Variants in MYO1D observed in about 807,000 individuals in gnomAD.
MYO1D encodes unconventional myosin-Id.
MYO1D carries 83 observed loss-of-function variants against 122.0 expected under a neutral mutation model. The ratio of observed to expected loss-of-function variants is 0.68; its 90% CI spans 0.57 to 0.82. The LOEUF (loss-of-function observed/expected upper bound fraction) is 0.82. Ranked by LOEUF, MYO1D falls within the 40% of genes least tolerant of loss-of-function variation. The probability of loss-of-function intolerance (pLI) is 0.00; values close to 1 mark genes in which losing one functional copy is unlikely to be tolerated. For missense variants in MYO1D, 1,157 were observed against 1,269.5 expected (o/e 0.91, Z 1.35); for synonymous variants, 464 against 446.9 (o/e 1.04, Z -0.48).
intron 20 of MYO1D, among the ~76,000 whole-genome samples, chr17:32,634,084 T>C (rs2088063565): frequency 6.6e-6 from 1 of 152,182 alleles, no homozygotes; most frequent in African/African-American, 2.4e-5. Flanking sequence ...ATTATCTGAA[T>C]TGAATGGTTT....
At chr17:32,844,729 A>C (rs1263172510) in intron 1 of MYO1D, among the ~76,000 whole-genome samples, 3 of 152,038 alleles carry the variant, frequency 2.0e-5, no homozygotes, top group African/African-American at 7.2e-5. Context: ...TATCTCTAAA[A>C]AAACAATGTA....
intron 21 of MYO1D, chr17:32,504,531 G>C (rs1273394339): frequency 6.6e-6 from 1 of 152,288 alleles, no homozygotes; most frequent in African/African-American, 2.4e-5. Context: ...GCTTCCCAGA[G>C]GAGGCGACAC....
chr17:32,572,428 A>G (rs539536291), intron 21 of MYO1D, among the ~76,000 whole-genome samples: 3 of 152,228 alleles, frequency 2.0e-5, no homozygotes, highest in East Asian at 3.9e-4. Flanking sequence ...TTTCGCCCAC[A>G]TAAGTCCTGT....
intron 19 of MYO1D, among the ~76,000 whole-genome samples, chr17:32,651,338 CA>C (rs1384280118): frequency 6.6e-6 from 1 of 152,210 alleles, no homozygotes; most frequent in East Asian, 1.9e-4. Context: ...CTCAGACGAA[CA>C]GTCAAAGTGA....
chr17:32,656,123 T>C (rs1438214977), intron 17 of MYO1D, among the ~76,000 whole-genome samples: 1 of 152,216 alleles, frequency 6.6e-6, no homozygotes, highest in African/African-American at 2.4e-5. Flanking sequence ...TTATATCCTC[T>C]CTTCTGCCAC....
At position 32,772,780 on chromosome 17, in the gene MYO1D, A is replaced by C; in HGVS notation, c.618+9T>G. The C allele has an allele frequency of 6.2e-7, 1 of 1,602,198 alleles. No homozygotes were observed. Among genetic ancestry groups the C allele is most frequent in the Middle Eastern group, 1.7e-4 (1 of 6,038 alleles). On this transcript the variant is annotated intron_variant, in intron 5 of 21. Transcript: ENST00000318217. ...AAATGATCAATTATCTGTATAATGG[A>C]TTACTAACCTGATAGAAAGAATGAA...
At chr17:32,869,262 C>G (rs569323998) in intron 1 of MYO1D, among the ~76,000 whole-genome samples, 1 of 151,990 alleles carries the variant, frequency 6.6e-6, no homozygotes, top group South Asian at 2.1e-4. Flanking sequence ...TGCAGTTGAA[C>G]TGAAAGAAGC....
intron 20 of MYO1D, among the ~76,000 whole-genome samples, chr17:32,620,008 A>G (rs560619521): frequency 7.9e-5 from 12 of 152,292 alleles, no homozygotes; most frequent in South Asian, 6.2e-4. Context: ...GCTTCCACTA[A>G]AAGTGGGCCA....
Position 32,876,785 on chromosome 17 carries a change from T to G in MYO1D, c.88A>C (p.Arg30=). The G allele has an allele frequency of 6.6e-7, 1 of 1,512,366 alleles. No individual in the cohort carries two copies. Among genetic ancestry groups the G allele is most frequent in the Non-Finnish European group, 8.8e-7 (1 of 1,130,274 alleles). 93.7% of individuals were successfully genotyped at this position (1,512,366 alleles called of 1,614,324 possible). Residue 30 remains arginine (R), a synonymous_variant, in exon 1 of 22, where the codon AGG becomes CGG. Transcript: ENST00000318217. The part of the protein sequence containing the change: ...VSMPEFMANL[R]LRFEKGRIYT... ...CGGCCGCTCCGCCCTCACCTGAGCC[T>G]GAGGTTGGCCATGAACTCGGGCATG... is the stretch of plus-strand genomic sequence containing the variant.
chr17:32,772,951 T>C (rs1222996434), intron 4 of MYO1D, 109 bp from the exon 5 acceptor site: 4 of 799,006 alleles, frequency 5.0e-6, no homozygotes, highest in East Asian at 2.4e-5. Flanking sequence ...CCTGCACGTA[T>C]ACATCCAGAT....
intron 1 of MYO1D, among the ~76,000 whole-genome samples, chr17:32,838,644 C>T (rs946091650): frequency 1.3e-5 from 2 of 152,138 alleles, no homozygotes; most frequent in African/African-American, 4.8e-5. Context: ...TGAGTTTGCA[C>T]TTTATCTTGA....
intron 11 of MYO1D, among the ~76,000 whole-genome samples, chr17:32,753,149 T>C (rs2089914797): frequency 6.6e-6 from 1 of 152,140 alleles, no homozygotes; most frequent in Non-Finnish European, 1.5e-5. Flanking sequence ...TGGAGGCCAT[T>C]ATACTAGGTG....
intron 20 of MYO1D, among the ~76,000 whole-genome samples, chr17:32,637,685 A>G (rs1443754224): frequency 1.3e-5 from 2 of 152,132 alleles, no homozygotes; most frequent in African/African-American, 4.8e-5. Context: ...AAATAAAATA[A>G]AATAAAAAAG....
intron 21 of MYO1D, among the ~76,000 whole-genome samples, chr17:32,598,310 G>T (rs1055521207): frequency 6.6e-6 from 1 of 152,060 alleles, no homozygotes; most frequent in African/African-American, 2.4e-5. Context: ...TGAAGCGGAG[G>T]TTGCAGTGAG....
chr17:32,850,512 T>C (rs1483667507), intron 1 of MYO1D, among the ~76,000 whole-genome samples: 1 of 152,162 alleles, frequency 6.6e-6, no homozygotes, highest in African/African-American at 2.4e-5. Flanking sequence ...CAGGAAAAAA[T>C]GTCTGAGCAG....
chr17:32,606,347 C>T (rs747556662), intron 20 of MYO1D, among the ~76,000 whole-genome samples: 10 of 152,154 alleles, frequency 6.6e-5, no homozygotes, highest in Non-Finnish European at 1.0e-4. Flanking sequence ...TCCTAACTCA[C>T]TTTGAAGCTG....
At chr17:32,870,964 C>T (rs2091173858) in intron 1 of MYO1D, among the ~76,000 whole-genome samples, 1 of 152,166 alleles carries the variant, frequency 6.6e-6, no homozygotes, top group South Asian at 2.1e-4. Context: ...ATGATAAATT[C>T]TCTGTTATGA....
At chr17:32,514,239 C>CAAAAAAAA (rs61570449) in intron 21 of MYO1D, among the ~76,000 whole-genome samples, 1 of 60,286 alleles carries the variant, frequency 1.7e-5, no homozygotes, top group Non-Finnish European at 3.1e-5. Flanking sequence ...GACTTTGTCT[C>CAAAAAAAA]AAAAAAAAAA....
chr17:32,545,770 ATT>A (rs67044833), intron 21 of MYO1D, among the ~76,000 whole-genome samples: 9 of 141,604 alleles, frequency 6.4e-5, no homozygotes, highest in Non-Finnish European at 1.2e-4. Flanking sequence ...TATCCAGGTG[ATT>A]TTTTTTTTTT....
Sources: allele counts gnomAD v4.1 joint callset (sites outside exome capture counted in the v4.1 genomes callset), GRCh38; gene constraint gnomAD v4.1.1; transcripts MANE v1.5; gene names NCBI Gene and HGNC (gene_info 2026-07-23, HGNC 2026-07-21).